The following SYNE2 variants were observed in gnomAD, a reference collection of about 807,000 sequenced individuals.
SYNE2 encodes the protein spectrin repeat containing nuclear envelope protein 2.
In SYNE2, 431 loss-of-function variants were observed where a neutral mutation model predicts 856.3. That is an observed-to-expected ratio of 0.50 (90% CI 0.47 to 0.55). SYNE2 has a LOEUF of 0.55. Among genes scored for constraint, SYNE2 ranks in the 20% least tolerant of loss-of-function variants. The probability of loss-of-function intolerance (pLI) is 0.00; values close to 1 mark genes in which losing one functional copy is unlikely to be tolerated. For synonymous variants in SYNE2, 2,923 were observed against 2,872.3 expected (o/e 1.02, Z -0.56); for missense variants, 8,129 against 8,023.2 (o/e 1.01, Z -0.50).
chr14:64,067,011 CTT>C lies in SYNE2; in HGVS notation c.10431+1362_10431+1363del, dbSNP rs934092800. On this transcript the variant is annotated intron_variant, in intron 51 of 115. Transcript: ENST00000555002. The stretch of plus-strand genomic sequence containing the variant: ...AGTAAATATTTGTTGAGGGACATCT[CTT>C]ATTCAAATTCAGGTCTGGGCTAATT... Among the ~76,000 whole-genome samples the C allele has an allele frequency of 3.3e-5, 5 of 152,216 alleles. 1 individual carries two copies. The highest frequency in any genetic ancestry group is 5.9e-5 in the Non-Finnish European group (4 of 68,036).
chr14:64,054,350 A>G (rs1302472505), intron 48 of SYNE2, among the ~76,000 whole-genome samples: 1 of 152,268 alleles, frequency 6.6e-6, no homozygotes, highest in African/African-American at 2.4e-5. Context: ...TTTATGTAGA[A>G]CTTACAGTGT....
At position 64,130,261 on chromosome 14, in the gene SYNE2, C is replaced by G. The variant is rs754277465; in HGVS notation, c.14340+13C>G. The G allele has an allele frequency of 6.2e-7, 1 of 1,607,118 alleles. No homozygotes were observed. The highest frequency in any genetic ancestry group is 8.5e-7 in the Non-Finnish European group (1 of 1,176,290). On this transcript the variant is annotated intron_variant, in intron 76 of 115. Coordinates refer to ENST00000555002, the MANE Select transcript of SYNE2 (RefSeq NM_182914.3). Reference sequence around the variant, plus strand: ...AGAAAATCACAAGGTGAGACAGACACATGGGTCGGGTGACCCCTTCATAGA... The same window carrying G: ...AGAAAATCACAAGGTGAGACAGACAGATGGGTCGGGTGACCCCTTCATAGA...
intron 71 of SYNE2, among the ~76,000 whole-genome samples, chr14:64,125,791 A>G (rs1375601720): frequency 6.6e-6 from 1 of 152,214 alleles, no homozygotes; most frequent in Non-Finnish European, 1.5e-5. Flanking sequence ...GCTTGGAGTC[A>G]TACACCTAAG....
intron 1 of SYNE2, among the ~76,000 whole-genome samples, chr14:63,815,948 CTTTT>C (rs34053312): frequency 7.8e-6 from 1 of 128,914 alleles, no homozygotes; most frequent in African/African-American, 2.9e-5. Context: ...TTAAATTATT[CTTTT>C]TTTTTTTTTT....
intron 7 of SYNE2, among the ~76,000 whole-genome samples, chr14:63,950,208 G>A (rs372672897): frequency 2.0e-5 from 3 of 152,110 alleles, no homozygotes; most frequent in East Asian, 1.9e-4. Flanking sequence ...CTGGGTAAAC[G>A]AACTCATCCC....
intron 92 of SYNE2, among the ~76,000 whole-genome samples, chr14:64,168,355 G>A (rs540982354): frequency 1.3e-5 from 2 of 152,214 alleles, no homozygotes; most frequent in African/African-American, 4.8e-5. Flanking sequence ...CGCCTGCCTC[G>A]GCCTCCCAAA....
chr14:64,120,232 C>T (rs916883500), intron 67 of SYNE2, among the ~76,000 whole-genome samples: 2 of 151,858 alleles, frequency 1.3e-5, no homozygotes, highest in Non-Finnish European at 2.9e-5. Flanking sequence ...CATATGGTTC[C>T]CCTTTCATCC....
At chr14:63,782,453 G>A (rs1158446384) in intron 1 of SYNE2, among the ~76,000 whole-genome samples, 1 of 109,086 alleles carries the variant, frequency 9.2e-6, no homozygotes, top group Non-Finnish European at 1.7e-5. Context: ...GCCAACAAGA[G>A]TGAAACTCCA....
intron 64 of SYNE2, among the ~76,000 whole-genome samples, chr14:64,106,542 G>T (rs994546155): frequency 5.3e-5 from 8 of 152,046 alleles, no homozygotes; most frequent in African/African-American, 1.4e-4. Flanking sequence ...CCAGCTACTC[G>T]GGAGGCTGAG....
chr14:64,217,078 C>T (rs2098670038), intron 108 of SYNE2, among the ~76,000 whole-genome samples: 2 of 152,192 alleles, frequency 1.3e-5, no homozygotes, highest in South Asian at 4.1e-4. Context: ...TCCAAAAAAT[C>T]ATTGATGGTG....
intron 98 of SYNE2, 26 bp downstream of exon 98, chr14:64,188,734 T>C (rs1291057758): frequency 7.4e-6 from 12 of 1,612,964 alleles, no homozygotes; most frequent in African/African-American, 1.3e-5. Context: ...CAGGTGGATG[T>C]AGTTATGACT....
chr14:63,981,219 T>C (rs2096582936), intron 16 of SYNE2, 46 bp downstream of exon 16: 2 of 1,489,020 alleles, frequency 1.3e-6, no homozygotes, highest in Non-Finnish European at 1.9e-6. Flanking sequence ...TTTTTAATTG[T>C]TTTATTTTGT....
At chr14:63,761,914 C>T (rs988807155) in exon 1 of SYNE2, 16 of 237,354 alleles carry the variant, frequency 6.7e-5, no homozygotes, top group Admixed American at 2.4e-4. Flanking sequence ...ACCGCCGTGA[C>T]GACCAGAGTA....
chr14:64,186,867 T>C (rs989045307), intron 97 of SYNE2, among the ~76,000 whole-genome samples: 1 of 152,342 alleles, frequency 6.6e-6, no homozygotes, highest in Non-Finnish European at 1.5e-5. Flanking sequence ...TGTAGACTGC[T>C]CTCTGGCTTG....
At chr14:63,948,156 G>GAC (rs151256085) in intron 6 of SYNE2, among the ~76,000 whole-genome samples, 20,217 of 124,122 alleles carry the variant, frequency 0.16, 1,354 homozygotes, top group South Asian at 0.25. Context: ...TACACACACA[G>GAC]ACACACACAT....
At chr14:64,022,098 A>C in intron 37 of SYNE2, 70 bp downstream of exon 37, 1 of 1,402,784 alleles carries the variant, frequency 7.1e-7, no homozygotes, top group Middle Eastern at 2.2e-4. Context: ...GTGAACACAA[A>C]AGCTAATCTA....
At chr14:63,974,094 A>G (rs2096507395) in intron 11 of SYNE2, among the ~76,000 whole-genome samples, 1 of 152,180 alleles carries the variant, frequency 6.6e-6, no homozygotes, top group Admixed American at 6.5e-5. Flanking sequence ...AAAAACCTCA[A>G]ACAATAAAAA....
In SYNE2 at chr14:64,220,435, A is replaced by G. The variant is rs1304277340; in HGVS notation, c.19861-2A>G. 6.2e-7 allele frequency: 1 copy of G among 1,613,632 alleles called. No individual in the cohort carries two copies. Among genetic ancestry groups the G allele is most frequent in the Admixed American group, 1.7e-5 (1 of 60,026 alleles). On this transcript the variant is annotated splice_acceptor_variant, in intron 110 of 115. Transcript: ENST00000555002. LOFTEE classifies it high-confidence loss of function. The stretch of plus-strand genomic sequence containing the variant: ...TAACCTCATCTTTTCTCTCTCTGGT[A>G]GGAGATACTGAAAGCCTTTGACACT...
intron 1 of SYNE2, among the ~76,000 whole-genome samples, chr14:63,827,372 C>T (rs1889474083): frequency 6.6e-6 from 1 of 151,446 alleles, no homozygotes; most frequent in African/African-American, 2.4e-5. Context: ...CGCCTGTAAT[C>T]CCAGCACTTT....
Sources: allele counts gnomAD v4.1 joint callset (sites outside exome capture counted in the v4.1 genomes callset), GRCh38; gene constraint gnomAD v4.1.1; transcripts MANE v1.5; gene names NCBI Gene and HGNC (gene_info 2026-07-23, HGNC 2026-07-21).